CUX1: variants seen among roughly 807,000 people sequenced by gnomAD.
The protein encoded by CUX1 is cut like homeobox 1, also known as protein CASP.
In CUX1, 31 loss-of-function variants were observed where a neutral mutation model predicts 158.8. The observed-to-expected ratio is 0.20, with a 90% confidence interval of 0.15 to 0.26. The LOEUF (loss-of-function observed/expected upper bound fraction) is 0.26. CUX1 is among the 10% of genes least tolerant of loss of function. The probability of loss-of-function intolerance (pLI) is 1.00; values close to 1 mark genes in which losing one functional copy is unlikely to be tolerated. For synonymous variants in CUX1, 879 were observed against 862.1 expected (o/e 1.02, Z -0.34); for missense variants, 1,589 against 2,014.6 (o/e 0.79, Z 4.04).
intron 3 of CUX1, among the ~76,000 whole-genome samples, chr7:102,056,232 T>C (rs1227697534): frequency 6.6e-6 from 1 of 152,252 alleles, no homozygotes; most frequent in Non-Finnish European, 1.5e-5. Context: ...ACGAAGATGA[T>C]GGCGCTACAC....
chr7:101,879,336 T>A (rs1799480187), intron 1 of CUX1, among the ~76,000 whole-genome samples: 1 of 152,032 alleles, frequency 6.6e-6, no homozygotes, highest in Non-Finnish European at 1.5e-5. Context: ...GTCTGTCAGA[T>A]CTCCCCTGTA....
intron 3 of CUX1, among the ~76,000 whole-genome samples, chr7:102,059,427 A>G (rs1209960430): frequency 6.6e-6 from 1 of 151,892 alleles, no homozygotes; most frequent in Non-Finnish European, 1.5e-5. Context: ...TGAGGTCAGG[A>G]GTTCGAGACC....
intron 11 of CUX1, among the ~76,000 whole-genome samples, chr7:102,186,281 C>T (rs192915875): frequency 3.9e-5 from 6 of 152,222 alleles, no homozygotes; most frequent in African/African-American, 1.4e-4. Flanking sequence ...ACAGGCGCTC[C>T]GGCAGTTGGG....
chr7:101,854,573 G>A (rs1796594209), intron 1 of CUX1, among the ~76,000 whole-genome samples: 1 of 152,180 alleles, frequency 6.6e-6, no homozygotes, highest in Admixed American at 6.5e-5. Context: ...CTTGGCCACT[G>A]CTCAGCCAGT....
At chr7:102,162,456 C>T (rs577705076) in intron 9 of CUX1, among the ~76,000 whole-genome samples, 2 of 152,272 alleles carry the variant, frequency 1.3e-5, no homozygotes, top group African/African-American at 4.8e-5. Flanking sequence ...GATTCTCCTG[C>T]CACAGCCTCC....
At chr7:102,198,687 G>A (rs1341574891) in intron 15 of CUX1, 115 bp from the exon 16 acceptor site, 10 of 883,164 alleles carry the variant, frequency 1.1e-5, no homozygotes, top group Non-Finnish European at 1.7e-5. Context: ...TGCACAGGCA[G>A]CCCTGAGCCC....
intron 2 of CUX1, among the ~76,000 whole-genome samples, chr7:101,985,092 A>G (rs2129226696): frequency 6.6e-6 from 1 of 152,264 alleles, no homozygotes; most frequent in South Asian, 2.1e-4. Context: ...TGAAATTATG[A>G]ATAGTTGATG....
At chr7:101,877,293 T>C (rs1562956734) in intron 1 of CUX1, among the ~76,000 whole-genome samples, 2 of 151,992 alleles carry the variant, frequency 1.3e-5, no homozygotes, top group Non-Finnish European at 2.9e-5. Flanking sequence ...CCTTCCAGAG[T>C]TTCATTATAT....
intron 21 of CUX1, among the ~76,000 whole-genome samples, chr7:102,230,498 TAAA>T (rs555147841): frequency 7.8e-6 from 1 of 128,040 alleles, no homozygotes; most frequent in African/African-American, 2.9e-5. Flanking sequence ...AAAAAAAAAT[TAAA>T]AAAAAAAAAA....
At chr7:102,076,398 TAA>T (rs144025565) in intron 4 of CUX1, among the ~76,000 whole-genome samples, 1 of 147,936 alleles carries the variant, frequency 6.8e-6, no homozygotes, top group African/African-American at 2.5e-5. Context: ...TAAATAAAAT[TAA>T]AAAAAAAAGA....
At chr7:102,007,871 A>G (rs1268669944) in intron 2 of CUX1, among the ~76,000 whole-genome samples, 2 of 151,634 alleles carry the variant, frequency 1.3e-5, no homozygotes. Flanking sequence ...CAGCCTCCTG[A>G]GTAGCTGGGA....
intron 1 of CUX1, among the ~76,000 whole-genome samples, chr7:101,863,123 AAG>A (rs889865464): frequency 6.6e-6 from 1 of 152,168 alleles, no homozygotes; most frequent in African/African-American, 2.4e-5. Flanking sequence ...GTATCTCTAA[AAG>A]AGAAGGACTT....
chr7:102,131,433 C>T (rs1585826980), intron 8 of CUX1, among the ~76,000 whole-genome samples: 1 of 149,928 alleles, frequency 6.7e-6, no homozygotes, highest in South Asian at 2.1e-4. Flanking sequence ...GCAGGAGGGT[C>T]GTTTGAGGCC....
At chr7:102,079,679 A>G (rs535855720) in intron 4 of CUX1, among the ~76,000 whole-genome samples, 1 of 152,280 alleles carries the variant, frequency 6.6e-6, no homozygotes, top group Non-Finnish European at 1.5e-5. Flanking sequence ...AGCAGGAGAC[A>G]TGCGGGATCC....
chr7:102,257,632 C>T lies in CUX1; in HGVS notation c.*8590C>T. The stretch of plus-strand genomic sequence containing the variant: ...AGAGCGGGTAGCACCACGCTCCTGT[C>T]CAGACTACTAACAGCACAAGACGCA... On this transcript the variant is annotated 3_prime_UTR_variant, in exon 24 of 24. Transcript: ENST00000292535. 1 of 985,414 alleles carries T rather than the reference C, an allele frequency of 1.0e-6. No homozygotes were observed. The highest frequency in any genetic ancestry group is 1.2e-6 in the Non-Finnish European group (1 of 829,938). 61.0% of individuals were successfully genotyped at this position (985,414 alleles called of 1,614,324 possible). A position where few individuals can be genotyped will look rare whatever the true frequency, so the allele number is the denominator to read the frequency against.
In CUX1 at chr7:102,088,128, A is replaced by C. The variant is rs187051070; in HGVS notation, c.269-9236A>C. ...TTCTGCTGACTCAGCCTCCCCAGTA[A>C]CTGGGATTACAGGTGTGTGCCACCA... On this transcript the variant is annotated intron_variant, in intron 4 of 23. Transcript: ENST00000292535. Among the ~76,000 whole-genome samples, 99 of 151,858 alleles carry C rather than the reference A, an allele frequency of 6.5e-4. 1 individual carries two copies. The highest frequency in any genetic ancestry group is 2.4e-4 in the Non-Finnish European group (16 of 67,932).
intron 2 of CUX1, among the ~76,000 whole-genome samples, chr7:101,988,041 G>A (rs962493488): frequency 2.6e-5 from 4 of 152,096 alleles, no homozygotes; most frequent in Admixed American, 1.3e-4. Flanking sequence ...GGGAAACCTC[G>A]TCTCTACTAA....
chr7:102,050,263 C>A (rs17410356), intron 3 of CUX1, among the ~76,000 whole-genome samples: 21,901 of 152,146 alleles, frequency 0.14, 1,653 homozygotes, highest in Middle Eastern at 0.22. Context: ...CGCAGAGCAG[C>A]GACGTTATAT....
intron 17 of CUX1, among the ~76,000 whole-genome samples, chr7:102,277,042 G>A (rs1791652314): frequency 6.6e-6 from 1 of 152,194 alleles, no homozygotes; most frequent in South Asian, 2.1e-4. Flanking sequence ...GCTCATGCCT[G>A]TAATCCCAGC....
Sources: allele counts gnomAD v4.1 joint callset (sites outside exome capture counted in the v4.1 genomes callset), GRCh38; gene constraint gnomAD v4.1.1; transcripts MANE v1.5; gene names NCBI Gene and HGNC (gene_info 2026-07-23, HGNC 2026-07-21).